The following RPF2 variants were observed in gnomAD, a reference collection of about 807,000 sequenced individuals.
The protein encoded by RPF2 is ribosome production factor 2 homolog, also known as brix domain containing 1.
In RPF2, 21 loss-of-function variants were observed where a neutral mutation model predicts 38.9. The ratio of observed to expected loss-of-function variants is 0.54; its 90% CI spans 0.38 to 0.78. RPF2 has a LOEUF of 0.78. RPF2 is among the 30% of genes least tolerant of loss of function. RPF2 has a pLI of 0.00. For missense variants in RPF2, 314 were observed against 358.1 expected, an observed-to-expected ratio of 0.88 and a Z score of 0.99; for synonymous variants, 121 against 126.2, an observed-to-expected ratio of 0.96 and a Z score of 0.28.
intron 6 of RPF2, among the ~76,000 whole-genome samples, chr6:111,000,295 G>A (rs1012172412): frequency 2.6e-5 from 4 of 152,068 alleles, no homozygotes; most frequent in Non-Finnish European, 4.4e-5. Context: ...TTATTGTAGA[G>A]ACAGGGTTTT....
chr6:111,004,260 G>A (rs780647598), intron 6 of RPF2, among the ~76,000 whole-genome samples: 3 of 151,962 alleles, frequency 2.0e-5, no homozygotes, highest in Admixed American at 6.6e-5. Context: ...TCGGCTCACT[G>A]CAACCTCCGC....
At chr6:111,023,720 G>A (rs529475614) in intron 8 of RPF2, among the ~76,000 whole-genome samples, 58 of 152,310 alleles carry the variant, frequency 3.8e-4, no homozygotes, top group African/African-American at 1.3e-3. Context: ...GGGCATGGTG[G>A]CTCATGCCTG....
rs61519057 is a variant in RPF2, at chr6:110,984,007, C to G, written c.24-999C>G. On this transcript the variant is annotated intron_variant, in intron 1 of 9. Coordinates refer to ENST00000441448, the MANE Select transcript of RPF2 (RefSeq NM_032194.3). ...TCGCACCACTGCACTCCAGCCTGGGCGACAGAGCGAGACTCTGTCTCAAAA... is the reference window on the plus strand; with the variant it reads ...TCGCACCACTGCACTCCAGCCTGGGGGACAGAGCGAGACTCTGTCTCAAAA... Among the ~76,000 whole-genome samples, 5,817 of 151,786 alleles carry G rather than the reference C, an allele frequency of 0.038. 530 individuals carry two copies. In the East Asian group the frequency reaches 0.41, roughly 11 times the overall value.
intron 2 of RPF2, among the ~76,000 whole-genome samples, chr6:110,988,698 G>A (rs1430344884): frequency 3.3e-5 from 5 of 152,192 alleles, no homozygotes; most frequent in Non-Finnish European, 7.3e-5. Flanking sequence ...CTCCCAAAGT[G>A]TTGGGATTAC....
At chr6:111,007,677 G>A (rs996022996) in intron 6 of RPF2, among the ~76,000 whole-genome samples, 4 of 152,132 alleles carry the variant, frequency 2.6e-5, no homozygotes, top group African/African-American at 7.2e-5. Flanking sequence ...AGGCACAGTG[G>A]CTCTCACCTG....
intron 5 of RPF2, among the ~76,000 whole-genome samples, chr6:110,997,811 G>C (rs1175070023): frequency 1.3e-5 from 2 of 152,082 alleles, no homozygotes; most frequent in African/African-American, 4.8e-5. Flanking sequence ...ATTCATGTGT[G>C]CTGTTTGACC....
intron 7 of RPF2, among the ~76,000 whole-genome samples, chr6:111,013,084 C>T (rs1421037019): frequency 6.6e-6 from 1 of 152,192 alleles, no homozygotes; most frequent in African/African-American, 2.4e-5. Flanking sequence ...TGACGTCTTT[C>T]CCAACTAGAA....
rs927282019 is a variant in RPF2 at position 111,027,426 on chromosome 6, A to G, written c.*1844A>G. ...GCTGCCATCTGGAGGTAGATGGACA[A>G]TAGCTGAGAAGGGGAGCCATGAAAA... On this transcript the variant is annotated 3_prime_UTR_variant, in exon 10 of 10. Coordinates refer to ENST00000441448, the MANE Select transcript of RPF2 (RefSeq NM_032194.3). 18 of 152,234 alleles carry G rather than the reference A, an allele frequency of 1.2e-4. No individual in the cohort carries two copies. The highest frequency in any genetic ancestry group is 1.2e-3 in the Admixed American group (18 of 15,272). The allele number at this position is 152,234 out of a possible 1,614,324, so 9.4% of individuals were successfully genotyped here. A position where few individuals can be genotyped will look rare whatever the true frequency, so the allele number is the denominator to read the frequency against.
intron 3 of RPF2, among the ~76,000 whole-genome samples, chr6:110,991,301 T>A (rs1181953164): frequency 2.0e-5 from 3 of 151,214 alleles, no homozygotes; most frequent in African/African-American, 4.9e-5. Flanking sequence ...ATTTCTTAAC[T>A]TTTTTTTTAG....
intron 3 of RPF2, among the ~76,000 whole-genome samples, chr6:110,990,952 A>C (rs1771610028): frequency 6.6e-6 from 1 of 152,116 alleles, no homozygotes. Flanking sequence ...CTAACATCAC[A>C]AAATTATCTG....
chr6:110,994,759 A>ACG (rs1771682908), intron 4 of RPF2, among the ~76,000 whole-genome samples: 1 of 150,302 alleles, frequency 6.7e-6, no homozygotes, highest in Admixed American at 6.6e-5. Context: ...ACACACACAC[A>ACG]CACACACACA....
chr6:111,011,375 C>T (rs995546714), intron 7 of RPF2, among the ~76,000 whole-genome samples: 1 of 148,032 alleles, frequency 6.8e-6, no homozygotes, highest in Admixed American at 6.7e-5. Flanking sequence ...GCAACCTCCA[C>T]CTCCCAGGGT....
At chr6:110,998,282 G>C (rs147636273) in intron 5 of RPF2, among the ~76,000 whole-genome samples, 1 of 152,108 alleles carries the variant, frequency 6.6e-6, no homozygotes, top group East Asian at 1.9e-4. Context: ...CCACATGCAC[G>C]GTGTGTTTAT....
At chr6:111,020,950 A>C (rs1432318918) in intron 8 of RPF2, among the ~76,000 whole-genome samples, 1 of 152,126 alleles carries the variant, frequency 6.6e-6, no homozygotes, top group African/African-American at 2.4e-5. Context: ...TGGGCAGATC[A>C]CGAGGTCAGG....
intron 4 of RPF2, among the ~76,000 whole-genome samples, chr6:110,996,230 G>A (rs1771709013): frequency 6.6e-6 from 1 of 151,882 alleles, no homozygotes; most frequent in African/African-American, 2.4e-5. Context: ...CCAGGCTGGA[G>A]TGCAATGGTG....
At chr6:110,984,842 A>G (rs768351725) in intron 1 of RPF2, among the ~76,000 whole-genome samples, 164 bp from the exon 2 acceptor site, 38 of 67,898 alleles carry the variant, frequency 5.6e-4, no homozygotes, top group Non-Finnish European at 5.3e-4. Flanking sequence ...TCCATCTCAA[A>G]AACAAACAAA....
At chr6:111,024,142 T>C in intron 8 of RPF2, 41 bp from the exon 9 acceptor site, 1 of 1,540,308 alleles carries the variant, frequency 6.5e-7, no homozygotes, top group African/African-American at 1.4e-5. Flanking sequence ...AGGACTTTTA[T>C]GAAAGTCAAA....
At chr6:111,012,021 T>C (rs929190843) in intron 7 of RPF2, among the ~76,000 whole-genome samples, 1 of 151,390 alleles carries the variant, frequency 6.6e-6, no homozygotes, top group African/African-American at 2.4e-5. Context: ...TCAAATGAAA[T>C]ATCAGTAGGG....
intron 4 of RPF2, among the ~76,000 whole-genome samples, chr6:110,994,734 T>TATATATATATATATATATATATATAC (rs1436106936): frequency 3.0e-5 from 4 of 134,070 alleles, no homozygotes; most frequent in African/African-American, 1.3e-4. Context: ...TGAGTATATA[T>TATATATATATATATATATATATATAC]ACACACACAC....
Sources: allele counts gnomAD v4.1 joint callset (sites outside exome capture counted in the v4.1 genomes callset), GRCh38; gene constraint gnomAD v4.1.1; transcripts MANE v1.5; gene names NCBI Gene and HGNC (gene_info 2026-07-23, HGNC 2026-07-21).